KAZN: variants seen among roughly 807,000 people sequenced by gnomAD.
The protein encoded by KAZN is kazrin, periplakin interacting protein.
Under a neutral mutation model 87.4 loss-of-function variants are expected in KAZN, and 40 were observed. The observed-to-expected ratio is 0.46, with a 90% CI of 0.36 to 0.60. The LOEUF is 0.60. Ranked by LOEUF, KAZN falls within the 20% of genes least tolerant of loss-of-function variation. The pLI is 0.00. For missense variants in KAZN, 898 were observed against 1,073.9 expected (o/e 0.84, Z 2.29); for synonymous variants, 466 against 458.3 (o/e 1.02, Z -0.22).
At chr1:14,720,159 C>A (rs1643018667) in intron 1 of KAZN, among the ~76,000 whole-genome samples, 1 of 152,224 alleles carries the variant, frequency 6.6e-6, no homozygotes, top group Non-Finnish European at 1.5e-5. Context: ...GTCAACATGA[C>A]AAGAGGACCC....
intron 2 of KAZN, among the ~76,000 whole-genome samples, chr1:14,526,666 A>G (rs1169322625): frequency 6.6e-6 from 1 of 152,056 alleles, no homozygotes; most frequent in Non-Finnish European, 1.5e-5. Context: ...ATAGTGGTCC[A>G]TATTTTTAAA....
At chr1:14,659,882 A>T (rs1161274684) in intron 1 of KAZN, among the ~76,000 whole-genome samples, 1 of 143,136 alleles carries the variant, frequency 7.0e-6, no homozygotes, top group Non-Finnish European at 1.5e-5. Flanking sequence ...CACATTCTTT[A>T]AAAAAAAAAA....
intron 2 of KAZN, among the ~76,000 whole-genome samples, chr1:14,979,346 T>C (rs931681657): frequency 9.2e-5 from 14 of 151,582 alleles, no homozygotes; most frequent in Non-Finnish European, 1.6e-4. Context: ...GAGGCAGAGG[T>C]TGCAGTGAGC....
At chr1:14,301,229 C>T (rs774063998) in intron 2 of KAZN, among the ~76,000 whole-genome samples, 2 of 152,182 alleles carry the variant, frequency 1.3e-5, no homozygotes, top group African/African-American at 2.4e-5. Flanking sequence ...TTGGAATTCA[C>T]ATACCCGGTT....
chr1:14,500,308 T>A (rs898313285), intron 2 of KAZN, among the ~76,000 whole-genome samples: 2 of 152,120 alleles, frequency 1.3e-5, no homozygotes, highest in Non-Finnish European at 2.9e-5. Context: ...TTTCACTTCC[T>A]TTAAGCCAAC....
chr1:14,883,352 A>AG (rs1653612274), intron 1 of KAZN, among the ~76,000 whole-genome samples: 1 of 31,006 alleles, frequency 3.2e-5, no homozygotes, highest in African/African-American at 9.3e-5. Flanking sequence ...GAAAGAAAGA[A>AG]AGAAAAGAAA....
intron 1 of KAZN, among the ~76,000 whole-genome samples, chr1:14,946,601 T>C (rs7546786): frequency 0.3 from 45,729 of 152,076 alleles, 7,757 homozygotes; most frequent in African/African-American, 0.46. Context: ...CTGTTCACTA[T>C]GGAGATCTGA....
chr1:14,433,937 T>C (rs1666228802), intron 2 of KAZN, among the ~76,000 whole-genome samples: 1 of 152,134 alleles, frequency 6.6e-6, no homozygotes, highest in African/African-American at 2.4e-5. Context: ...AATGGCCACG[T>C]GAGGACACAA....
chr1:14,802,440 A>G (rs1032136312), intron 1 of KAZN, among the ~76,000 whole-genome samples: 1 of 150,044 alleles, frequency 6.7e-6, no homozygotes, highest in African/African-American at 2.4e-5. Context: ...CAATTTTGCC[A>G]CCCAGGGGAC....
At chr1:14,509,929 A>G (rs2148443159) in intron 2 of KAZN, among the ~76,000 whole-genome samples, 1 of 152,342 alleles carries the variant, frequency 6.6e-6, no homozygotes, top group South Asian at 2.1e-4. Context: ...CTGAAATAAC[A>G]TTCCAGAAGG....
In KAZN at chr1:15,100,423, G is replaced by C. The variant is rs150242487; in HGVS notation, c.1548-1120G>C. Among the ~76,000 whole-genome samples the C allele has an allele frequency of 1.5e-3, 230 of 152,296 alleles. 2 individuals carry two copies. Among genetic ancestry groups the C allele is most frequent in the African/African-American group, 5.2e-3 (217 of 41,562 alleles). Reference sequence around the variant, plus strand: ...CCCACCACTTTCCCTTTCACATACTGATGGCTTCGTGGCCCCCTGCACCTC... The same window carrying C: ...CCCACCACTTTCCCTTTCACATACTCATGGCTTCGTGGCCCCCTGCACCTC... On this transcript the variant is annotated intron_variant, in intron 10 of 14. Transcript: ENST00000376030.
chr1:14,245,979 C>A (rs1320017891), intron 2 of KAZN, among the ~76,000 whole-genome samples: 1 of 152,116 alleles, frequency 6.6e-6, no homozygotes, highest in South Asian at 2.1e-4. Flanking sequence ...TACATATGCA[C>A]CATGGAGTAT....
chr1:15,087,092 C>T (rs1027736044), intron 8 of KAZN, among the ~76,000 whole-genome samples: 1 of 152,140 alleles, frequency 6.6e-6, no homozygotes, highest in African/African-American at 2.4e-5. Context: ...TCCAAACCAA[C>T]GGAGGGTGGC....
chr1:14,442,139 C>A (rs988343744), intron 2 of KAZN, among the ~76,000 whole-genome samples: 4 of 152,224 alleles, frequency 2.6e-5, no homozygotes, highest in Non-Finnish European at 5.9e-5. Flanking sequence ...GACAATACTC[C>A]TGCCCACCTC....
At chr1:13,953,196 G>T (rs1439792859) in intron 1 of KAZN, among the ~76,000 whole-genome samples, 1 of 151,880 alleles carries the variant, frequency 6.6e-6, no homozygotes, top group Non-Finnish European at 1.5e-5. Context: ...CCCCTTACAT[G>T]TTGGAGGTGA....
chr1:14,057,184 G>T (rs973866680), intron 1 of KAZN, among the ~76,000 whole-genome samples: 4 of 151,318 alleles, frequency 2.6e-5, no homozygotes, highest in African/African-American at 9.7e-5. Context: ...TTCTAGGCTG[G>T]AGTACAGTGG....
chr1:14,899,891 C>T (rs567415027), intron 1 of KAZN, among the ~76,000 whole-genome samples: 6 of 152,338 alleles, frequency 3.9e-5, no homozygotes, highest in Admixed American at 3.3e-4. Flanking sequence ...AGGTTCCTAT[C>T]GCCCTCTCTC....
intron 2 of KAZN, among the ~76,000 whole-genome samples, chr1:14,559,743 G>A (rs542996728): frequency 6.6e-6 from 1 of 152,244 alleles, no homozygotes; most frequent in East Asian, 1.9e-4. Flanking sequence ...TCTCAACCCT[G>A]AAATAATACC....
intron 2 of KAZN, among the ~76,000 whole-genome samples, chr1:14,418,887 CTTCTGCATCTG>C (rs1665080228): frequency 6.6e-6 from 1 of 152,202 alleles, no homozygotes; most frequent in South Asian, 2.1e-4. Context: ...GAAAATAAGG[CTTCTGCATCTG>C]CAGAAATGAT....
Sources: allele counts gnomAD v4.1 joint callset (sites outside exome capture counted in the v4.1 genomes callset), GRCh38; gene constraint gnomAD v4.1.1; transcripts MANE v1.5; gene names NCBI Gene and HGNC (gene_info 2026-07-23, HGNC 2026-07-21).